Variants in GRM5 observed in about 807,000 individuals in gnomAD.
GRM5 encodes the protein metabotropic glutamate receptor 5.
Under a neutral mutation model 83.1 loss-of-function variants are expected in GRM5, and 19 were observed. That is an observed-to-expected ratio of 0.23 (90% CI 0.16 to 0.34). The LOEUF (loss-of-function observed/expected upper bound fraction) is 0.34, where lower values mean the gene tolerates loss of function less well. Ranked by LOEUF, GRM5 falls within the 10% of genes least tolerant of loss-of-function variation. GRM5 has a pLI of 1.00. For synonymous variants in GRM5, 675 were observed against 633.6 expected (o/e 1.07, Z -0.98); for missense variants, 1,160 against 1,588.3 (o/e 0.73, Z 4.58).
chr11:88,892,885 C>A (rs182360699), intron 2 of GRM5, among the ~76,000 whole-genome samples: 2,020 of 151,946 alleles, frequency 0.013, 24 homozygotes, highest in Non-Finnish European at 0.021. Flanking sequence ...TGCCCATAAC[C>A]CAGAGGTTTA....
At chr11:88,688,551 A>G (rs1441141586) in intron 3 of GRM5, among the ~76,000 whole-genome samples, 1 of 152,164 alleles carries the variant, frequency 6.6e-6, no homozygotes, top group Non-Finnish European at 1.5e-5. Context: ...TGCTTTCTTA[A>G]TTAAATATAG....
At chr11:88,894,822 C>T (rs983263440) in intron 2 of GRM5, among the ~76,000 whole-genome samples, 1 of 151,914 alleles carries the variant, frequency 6.6e-6, no homozygotes, top group African/African-American at 2.4e-5. Flanking sequence ...TGAAAGAACA[C>T]ATTTTTTGTC....
In GRM5 at chr11:88,619,951, G is replaced by C. The variant is rs1591387310; in HGVS notation, c.1148-14987C>G. Among the ~76,000 whole-genome samples, 4 of 152,020 alleles carry C rather than the reference G, an allele frequency of 2.6e-5. No individual in the cohort carries two copies. In the East Asian group the frequency reaches 7.7e-4, roughly 29 times the overall value. ...TGCAGTGAATCAAATTCTCCCTACT[G>C]TCATTTATTTTGTGAATCTACTCAT... is the stretch of plus-strand genomic sequence containing the variant. On this transcript the variant is annotated intron_variant, in intron 4 of 9. Transcript: ENST00000305447.
intron 8 of GRM5, among the ~76,000 whole-genome samples, chr11:88,534,503 C>T (rs765664242): frequency 1.3e-5 from 2 of 152,214 alleles, no homozygotes; most frequent in Non-Finnish European, 2.9e-5. Flanking sequence ...TGGCCAATTT[C>T]TCCCATCTGG....
chr11:88,810,954 T>C (rs907240492), intron 3 of GRM5, among the ~76,000 whole-genome samples: 1 of 152,018 alleles, frequency 6.6e-6, no homozygotes, highest in African/African-American at 2.4e-5. Flanking sequence ...GTTAACAGAG[T>C]TTATTCATCT....
chr11:88,663,661 T>C (rs2135321014), intron 3 of GRM5, among the ~76,000 whole-genome samples: 1 of 152,314 alleles, frequency 6.6e-6, no homozygotes, highest in East Asian at 1.9e-4. Context: ...ACTAATTCCT[T>C]CTGTTAAGCT....
chr11:88,615,038 C>G (rs1366946384), intron 4 of GRM5, among the ~76,000 whole-genome samples: 2 of 152,108 alleles, frequency 1.3e-5, no homozygotes, highest in East Asian at 3.9e-4. Context: ...TAGCACTGCC[C>G]AAGACCTGGG....
At position 88,630,431 on chromosome 11, in the gene GRM5, A is replaced by G. The variant is rs754789846; in HGVS notation, c.1147+22737T>C. 2.0e-5 allele frequency among the ~76,000 whole-genome samples: 3 copies of G among 152,210 alleles called. No homozygotes were observed. In the South Asian group the frequency reaches 6.2e-4, roughly 32 times the overall value. The stretch of plus-strand genomic sequence containing the variant: ...TTTAGTATATCTTTTATTCCTTAGC[A>G]GAATGTAGAGACCCTGAAGTTAAGT... On this transcript the variant is annotated intron_variant, in intron 4 of 9. Coordinates refer to ENST00000305447, the MANE Select transcript of GRM5 (RefSeq NM_001143831.3).
chr11:88,514,945 T>A (rs1245471576), intron 9 of GRM5, among the ~76,000 whole-genome samples: 2 of 152,176 alleles, frequency 1.3e-5, no homozygotes, highest in Non-Finnish European at 2.9e-5. Flanking sequence ...TAAGTAGCAG[T>A]GGTTACATGT....
At chr11:88,777,757 C>T (rs1239620810) in intron 3 of GRM5, among the ~76,000 whole-genome samples, 1 of 152,156 alleles carries the variant, frequency 6.6e-6, no homozygotes, top group Non-Finnish European at 1.5e-5. Context: ...CTGGGTATCA[C>T]CAGTGGAGGC....
chr11:88,546,264 A>T (rs969527093), intron 8 of GRM5, among the ~76,000 whole-genome samples: 1 of 151,724 alleles, frequency 6.6e-6, no homozygotes, highest in African/African-American at 2.4e-5. Context: ...AATTAATACT[A>T]TGTATTTGTT....
chr11:88,656,827 A>G (rs1409765343), intron 3 of GRM5, among the ~76,000 whole-genome samples: 1 of 152,146 alleles, frequency 6.6e-6, no homozygotes, highest in Non-Finnish European at 1.5e-5. Context: ...TATTTATATA[A>G]CATGTATGTT....
intron 7 of GRM5, among the ~76,000 whole-genome samples, chr11:88,579,311 C>T (rs1943179039): frequency 6.6e-6 from 1 of 152,004 alleles, no homozygotes; most frequent in South Asian, 2.1e-4. Flanking sequence ...GTTCTAGCAG[C>T]CTGGTATTCT....
chr11:88,750,076 C>G (rs1015831777), intron 3 of GRM5, among the ~76,000 whole-genome samples: 5 of 152,052 alleles, frequency 3.3e-5, no homozygotes, highest in Admixed American at 2.0e-4. Flanking sequence ...GAATCAAATT[C>G]ACATATATCA....
intron 3 of GRM5, among the ~76,000 whole-genome samples, chr11:88,686,209 C>G (rs938456269): frequency 6.6e-6 from 1 of 152,152 alleles, no homozygotes; most frequent in Non-Finnish European, 1.5e-5. Flanking sequence ...GACCTGGAGT[C>G]AAAGGAGATC....
chr11:88,823,629 C>A (rs1943841446), intron 3 of GRM5, among the ~76,000 whole-genome samples: 1 of 152,068 alleles, frequency 6.6e-6, no homozygotes, highest in Non-Finnish European at 1.5e-5. Context: ...GCTGATCACC[C>A]ATGTTGAGCT....
chr11:88,589,845 GT>G (rs1376029463), intron 7 of GRM5, among the ~76,000 whole-genome samples: 3 of 152,090 alleles, frequency 2.0e-5, no homozygotes, highest in Admixed American at 1.3e-4. Context: ...GATAGAGGTA[GT>G]ACTTTTATTT....
chr11:88,645,094 C>T (rs2135292348), intron 4 of GRM5, among the ~76,000 whole-genome samples: 1 of 152,170 alleles, frequency 6.6e-6, no homozygotes, highest in South Asian at 2.1e-4. Context: ...TTGCTACAAC[C>T]CAGAGAAATC....
chr11:88,670,821 G>T (rs916089677), intron 3 of GRM5, among the ~76,000 whole-genome samples: 7 of 152,022 alleles, frequency 4.6e-5, no homozygotes, highest in Non-Finnish European at 1.0e-4. Context: ...AAAATGGAAA[G>T]CAACTGCAAT....
Sources: gnomAD v4.1 joint callset for allele counts (sites outside exome capture counted in the v4.1 genomes callset) on GRCh38, gnomAD v4.1.1 for gene constraint, MANE v1.5 for transcripts, NCBI Gene and HGNC (gene_info 2026-07-23, HGNC 2026-07-21) for gene names.